SAP130: variants seen among roughly 807,000 people sequenced by gnomAD.
SAP130 encodes Sin3A associated protein 130.
A neutral mutation model predicts 103.2 loss-of-function variants in SAP130; 16 were observed. That is an observed-to-expected ratio of 0.16 (90% CI 0.10 to 0.24). The LOEUF (loss-of-function observed/expected upper bound fraction) is 0.24, where lower values mean the gene tolerates loss of function less well. Ranked by LOEUF, SAP130 falls within the 10% of genes least tolerant of loss-of-function variation. The probability of loss-of-function intolerance (pLI) is 1.00; values close to 1 mark genes in which losing one functional copy is unlikely to be tolerated. For synonymous variants in SAP130, 477 were observed against 497.0 expected, an observed-to-expected ratio of 0.96 and a Z score of 0.53; for missense variants, 990 against 1,359.7, an observed-to-expected ratio of 0.73 and a Z score of 4.28.
intron 14 of SAP130, among the ~76,000 whole-genome samples, chr2:127,982,948 G>A (rs769452874): frequency 1.3e-5 from 2 of 152,170 alleles, no homozygotes; most frequent in Non-Finnish European, 2.9e-5. Flanking sequence ...GGGCATGGGA[G>A]CACAGAGACA....
At chr2:127,992,968 C>G (rs1413915118) in intron 12 of SAP130, among the ~76,000 whole-genome samples, 1 of 152,150 alleles carries the variant, frequency 6.6e-6, no homozygotes, top group Non-Finnish European at 1.5e-5. Context: ...TGAGTATCCT[C>G]AGGGTGGCAT....
In SAP130 at chr2:127,996,445, C is replaced by T. The variant is rs755238760; in HGVS notation, c.1260G>A (p.Gln420=). 6 of 1,605,660 alleles carry T rather than the reference C, an allele frequency of 3.7e-6. No individual in the cohort carries two copies. The highest frequency in any genetic ancestry group is 5.1e-6 in the Non-Finnish European group (6 of 1,176,014). ...TACTCCTCTCGGCAGGGTAGTCTGGCTGGATCCGAGGAGAAGTGTGCGTGA... is the reference window on the plus strand; with the variant it reads ...TACTCCTCTCGGCAGGGTAGTCTGGTTGGATCCGAGGAGAAGTGTGCGTGA... ...QQITHTSPRI[Q]PDYPAERSSL... is the part of the protein sequence containing the mutation. The change falls in exon 11 of 21, where the codon CAG becomes CAA. Residue 420 remains glutamine (Q), a synonymous_variant. Coordinates refer to ENST00000643581, the MANE Select transcript of SAP130 (RefSeq NM_001330301.2). This position sits in a 1 kb window ranked among gnomAD's most constrained non-coding sequence, Gnocchi z 4.3.
At chr2:128,013,808 T>A (rs566388211) in intron 5 of SAP130, among the ~76,000 whole-genome samples, 1 of 152,348 alleles carries the variant, frequency 6.6e-6, no homozygotes, top group Non-Finnish European at 1.5e-5. Flanking sequence ...CTCACACCTG[T>A]AGTCCCAGCC....
In SAP130 at chr2:128,004,361, C is replaced by CTTT. The variant is rs71935874; in HGVS notation, c.870-3910_870-3908dup. On this transcript the variant is annotated intron_variant, in intron 7 of 20. Transcript: ENST00000643581. ...AGTGAAAGGAGGATTGCTTTCTTTC[C>CTTT]TTTTTTTTTTTTTTTTTTTTTTTTT... Among the ~76,000 whole-genome samples the CTTT allele has an allele frequency of 6.7e-4, 51 of 76,016 alleles. 2 individuals are homozygous for CTTT. The highest frequency in any genetic ancestry group is 1.9e-3 in the African/African-American group (44 of 22,586). 49.9% of individuals were successfully genotyped at this position (76,016 alleles called of 152,430 possible).
At position 128,020,987 on chromosome 2, in the gene SAP130, C is replaced by T. The variant is rs111533842; in HGVS notation, c.113-3072G>A. The stretch of plus-strand genomic sequence containing the variant: ...CCTGGGCAACGAAGCAAGACTCTGT[C>T]TCAAAAAAAAAGTGAAATGGGATTC... On this transcript the variant is annotated intron_variant, in intron 2 of 20. Transcript: ENST00000643581. 6.6e-4 allele frequency among the ~76,000 whole-genome samples: 100 copies of T among 151,618 alleles called. 1 individual carries two copies. The highest frequency in any genetic ancestry group is 2.3e-3 in the African/African-American group (97 of 41,372).
At chr2:128,004,361 CTTTTTTT>C (rs71935874) in intron 7 of SAP130, among the ~76,000 whole-genome samples, 7,129 of 76,106 alleles carry the variant, frequency 0.094, 565 homozygotes, top group African/African-American at 0.23. Flanking sequence ...GCTTTCTTTC[CTTTTTTT>C]TTTTTTTTTT....
chr2:127,971,681 G>A lies in SAP130; in HGVS notation c.2063+6304C>T, dbSNP rs192227501. On this transcript the variant is annotated intron_variant, in intron 15 of 20. Transcript: ENST00000643581. ...GTGGTATCTTCATTAGTTCTCTACT[G>A]AGTCCTGTCAAGTCCTGTGTCATCA... is the stretch of plus-strand genomic sequence containing the variant. Among the ~76,000 whole-genome samples the A allele has an allele frequency of 1.1e-3, 175 of 152,290 alleles. 1 individual carries two copies. The highest frequency in any genetic ancestry group is 2.2e-3 in the Non-Finnish European group (152 of 68,036).
chr2:128,016,285 T>C (rs1038138802), intron 4 of SAP130, 104 bp downstream of exon 4: 7 of 1,220,824 alleles, frequency 5.7e-6, no homozygotes, highest in Non-Finnish European at 7.0e-6. Flanking sequence ...GACTGTTTGA[T>C]CTTTTTTTAT....
Position 127,942,451 on chromosome 2 carries a change from A to C in SAP130, c.2988T>G (p.Asp996Glu). The change falls in exon 20 of 21, where the codon GAT becomes GAG. Residue 996 changes from aspartate (D) to glutamate (E), a missense_variant. By Grantham distance (45) the Asp-to-Glu change is conservative. This residue lies in a region of SAP130 where 69 missense variants were observed against 165.7 expected (regional missense o/e 0.42). Transcript: ENST00000643581. The surrounding 1 kb of genome is among the most constrained non-coding windows in gnomAD (Gnocchi z 4.8). ...GTATCAGTTCGTTTATTCGGTGGAG[A>C]TCATCATCTGTTGCTGCTTTTTTCT... ...IPKKKAATDDDLHRINELIQG... is the reference protein window; with the variant it reads ...IPKKKAATDDELHRINELIQG... 1 of 1,613,464 alleles carries C rather than the reference A, an allele frequency of 6.2e-7. No individual in the cohort carries two copies. The highest frequency in any genetic ancestry group is 8.5e-7 in the Non-Finnish European group (1 of 1,179,392).
In SAP130 at chr2:127,996,612, C is replaced by A; in HGVS notation, c.1214-121G>T. 1 of 932,958 alleles carries A rather than the reference C, an allele frequency of 1.1e-6. No individual in the cohort carries two copies. Among genetic ancestry groups the A allele is most frequent in the Non-Finnish European group, 1.5e-6 (1 of 672,738 alleles). The allele number at this position is 932,958 out of a possible 1,614,324, so 57.8% of individuals were successfully genotyped here. ...ATTAAAATAAGCCTGGATTTTTAAT[C>A]AAAATAAAAAATGAAAAATAAGTAC... On this transcript the variant is annotated intron_variant, in intron 10 of 20. Transcript: ENST00000643581. This position sits in a 1 kb window ranked among gnomAD's most constrained non-coding sequence, Gnocchi z 4.3.
In SAP130 at chr2:127,950,007, A is replaced by T; in HGVS notation, c.2672-13T>A. The T allele has an allele frequency of 6.2e-7, 1 of 1,613,766 alleles. No individual in the cohort carries two copies. The highest frequency in any genetic ancestry group is 1.7e-4 in the Middle Eastern group (1 of 6,056). ...ACACCTTCCTCATCTGTTAAAGAGAAGACATTAAACAACTTAGTAACACTG... is the reference window on the plus strand; with the variant it reads ...ACACCTTCCTCATCTGTTAAAGAGATGACATTAAACAACTTAGTAACACTG... On this transcript the variant is annotated splice_polypyrimidine_tract_variant and intron_variant, in intron 17 of 20. Coordinates refer to ENST00000643581, the MANE Select transcript of SAP130 (RefSeq NM_001330301.2).
chr2:128,024,693 C>T (rs144290172), intron 2 of SAP130, among the ~76,000 whole-genome samples: 1,538 of 149,924 alleles, frequency 0.01, 31 homozygotes, highest in African/African-American at 0.035. Flanking sequence ...CATGGTGAAA[C>T]CCTGTCTCTA....
Position 127,989,628 on chromosome 2 carries a change from G to A in SAP130, c.1716C>T (p.Asn572=), listed in dbSNP as rs1682645461. 1.9e-6 allele frequency: 3 copies of A among 1,614,072 alleles called. No individual in the cohort carries two copies. Among genetic ancestry groups the A allele is most frequent in the Non-Finnish European group, 2.5e-6 (3 of 1,180,046 alleles). The change falls in exon 13 of 21, where the codon AAC becomes AAT. Residue 572 remains asparagine (N), a synonymous_variant. Coordinates refer to ENST00000643581, the MANE Select transcript of SAP130 (RefSeq NM_001330301.2). This position sits in a 1 kb window ranked among gnomAD's most constrained non-coding sequence, Gnocchi z 4.6. The stretch of plus-strand genomic sequence containing the variant: ...TAGGTGCAGGCTGAAGCCCTTGTGT[G>A]TTGATTGGGGTTGCTGAGTGAATTC... ...TQGIHSATPI[N]TQGLQPAPMG... is the part of the protein sequence containing the mutation.
rs1678813845 is a variant in SAP130 at position 127,942,985 on chromosome 2, T to A, written c.2902-448A>T. Among the ~76,000 whole-genome samples the A allele has an allele frequency of 6.6e-6, 1 of 151,660 alleles. No individual in the cohort carries two copies. The highest frequency in any genetic ancestry group is 2.4e-5 in the African/African-American group (1 of 41,246). ...CCTGGGCAACAAGAGCGAAATTCCA[T>A]CTAAAAAATAAATAAATAAATAAAT... On this transcript the variant is annotated intron_variant, in intron 19 of 20. Coordinates refer to ENST00000643581, the MANE Select transcript of SAP130 (RefSeq NM_001330301.2). This position sits in a 1 kb window ranked among gnomAD's most constrained non-coding sequence, Gnocchi z 4.8.
At position 127,986,988 on chromosome 2, in the gene SAP130, A is replaced by G; in HGVS notation, c.1781-26T>C. On this transcript the variant is annotated intron_variant, in intron 13 of 20. Coordinates refer to ENST00000643581, the MANE Select transcript of SAP130 (RefSeq NM_001330301.2). The surrounding 1 kb of genome is among the most constrained non-coding windows in gnomAD (Gnocchi z 4.7). ...CTACAGGAGAGAGGCAACAGGAAAG[A>G]ACATTGAAGAGAGGGAAACAAAATG... The G allele has an allele frequency of 1.9e-6, 3 of 1,592,232 alleles. No homozygotes were observed. Among genetic ancestry groups the G allele is most frequent in the Non-Finnish European group, 2.6e-6 (3 of 1,163,458 alleles).
At chr2:127,975,047 G>A (rs186568574) in intron 15 of SAP130, among the ~76,000 whole-genome samples, 149 of 152,218 alleles carry the variant, frequency 9.8e-4, no homozygotes, top group Non-Finnish European at 1.9e-3. Flanking sequence ...CTCTCAGAAC[G>A]TATCCCCATT....
intron 14 of SAP130, among the ~76,000 whole-genome samples, chr2:127,984,438 T>A (rs1478482826): frequency 1.3e-5 from 2 of 152,248 alleles, no homozygotes; most frequent in African/African-American, 2.4e-5. Flanking sequence ...TATCTTTGGT[T>A]GTATGTTCAT....
Position 128,016,555 on chromosome 2 carries a change from C to T in SAP130, c.349-8G>A, listed in dbSNP as rs1437607313. The T allele has an allele frequency of 6.2e-7, 1 of 1,607,270 alleles. No homozygotes were observed. The highest frequency in any genetic ancestry group is 1.1e-5 in the South Asian group (1 of 90,112). ...GGTGGGCTTCGGGGGCGGCTGCAAA[C>T]AGAAAACCACACAAAACATATCAAT... On this transcript the variant is annotated splice_region_variant and splice_polypyrimidine_tract_variant and intron_variant, in intron 3 of 20. Transcript: ENST00000643581.
Position 127,942,317 on chromosome 2 carries a change from GT to G in SAP130, c.3015+106del. The G allele has an allele frequency of 9.2e-7, 1 of 1,088,310 alleles. No individual in the cohort carries two copies. Among genetic ancestry groups the G allele is most frequent in the East Asian group, 2.4e-5 (1 of 42,348 alleles). 67.4% of individuals were successfully genotyped at this position (1,088,310 alleles called of 1,614,324 possible). The stretch of plus-strand genomic sequence containing the variant: ...CAGGAGTGCAGGCTGAAGCACGTAT[GT>G]TTTTACTGAAGATATGAGGGAGACG... On this transcript the variant is annotated intron_variant, in intron 20 of 20. Coordinates refer to ENST00000643581, the MANE Select transcript of SAP130 (RefSeq NM_001330301.2). The surrounding 1 kb of genome is among the most constrained non-coding windows in gnomAD (Gnocchi z 4.8).
Sources: allele counts gnomAD v4.1 joint callset (sites outside exome capture counted in the v4.1 genomes callset), GRCh38; gene constraint gnomAD v4.1.1; regional missense constraint gnomAD v4.1.1; non-coding constraint Gnocchi (gnomAD v3.1); transcripts MANE v1.5; gene names NCBI Gene and HGNC (gene_info 2026-07-23, HGNC 2026-07-21).